Variants in EFHC2 observed in about 807,000 individuals in gnomAD.
EFHC2 encodes the protein EF-hand domain containing 2, also known as EF-hand domain-containing family member C2.
In EFHC2, 18 loss-of-function variants were observed where a neutral mutation model predicts 52.7. The ratio of observed to expected loss-of-function variants is 0.34; its 90% CI spans 0.24 to 0.51. The LOEUF is 0.51. Among genes scored for constraint, EFHC2 ranks in the 20% least tolerant of loss-of-function variants. The pLI, the probability that EFHC2 is intolerant of heterozygous loss-of-function variation, is 0.97. For synonymous variants in EFHC2, 203 were observed against 204.1 expected (o/e 0.99, Z 0.04); for missense variants, 513 against 562.5 (o/e 0.91, Z 0.89).
intron 11 of EFHC2, among the ~76,000 whole-genome samples, chrX:44,196,770 G>A (rs2147292819): frequency 8.9e-6 from 1 of 112,247 alleles, no homozygotes; most frequent in East Asian, 2.8e-4. Flanking sequence ...TAATGTCATG[G>A]ATATTTGCTG....
At chrX:44,203,437 C>T (rs1252291225) in intron 11 of EFHC2, among the ~76,000 whole-genome samples, 1 of 111,486 alleles carries the variant, frequency 9.0e-6, no homozygotes, top group Non-Finnish European at 1.9e-5. Flanking sequence ...AAGGTGGATT[C>T]ACGGCCCACA....
chrX:44,268,077 T>C (rs999691528), intron 3 of EFHC2, among the ~76,000 whole-genome samples: 16 of 112,122 alleles, frequency 1.4e-4, no homozygotes, highest in African/African-American at 4.9e-4. Context: ...GCGTGATTAC[T>C]GTGTATTCTA....
intron 2 of EFHC2, among the ~76,000 whole-genome samples, chrX:44,292,373 A>G (rs1165611722): frequency 9.0e-6 from 1 of 111,370 alleles, no homozygotes; most frequent in African/African-American, 3.3e-5. Context: ...TAAATAAGAA[A>G]TTCATTTATG....
intron 11 of EFHC2, among the ~76,000 whole-genome samples, chrX:44,219,363 T>C (rs1392438111): frequency 9.0e-6 from 1 of 111,206 alleles, no homozygotes; most frequent in African/African-American, 3.3e-5. Context: ...TTATTGAACA[T>C]AAATTTCACA....
At chrX:44,301,045 G>A (rs1267025840) in intron 2 of EFHC2, among the ~76,000 whole-genome samples, 1 of 106,545 alleles carries the variant, frequency 9.4e-6, no homozygotes, top group Non-Finnish European at 1.9e-5. Context: ...AGGAGATGGA[G>A]GTTGCAGTGA....
intron 1 of EFHC2, among the ~76,000 whole-genome samples, chrX:44,328,938 G>A (rs748124630): frequency 3.3e-4 from 37 of 111,528 alleles, no homozygotes; most frequent in Non-Finnish European, 5.8e-4. Flanking sequence ...TGCTCCGCCC[G>A]CTCCCGGACT....
chrX:44,192,238 T>G (rs747878399), intron 11 of EFHC2, among the ~76,000 whole-genome samples: 1 of 111,842 alleles, frequency 8.9e-6, no homozygotes, highest in Non-Finnish European at 1.9e-5. Context: ...CTAAAGAAAC[T>G]AGATATTTTT....
chrX:44,240,107 T>G (rs942929230), intron 8 of EFHC2, among the ~76,000 whole-genome samples: 1 of 112,302 alleles, frequency 8.9e-6, no homozygotes, highest in Admixed American at 9.4e-5. Flanking sequence ...TTATTTGTAT[T>G]TTAAAAAACT....
chrX:44,210,538 C>T (rs1438514402), intron 11 of EFHC2, among the ~76,000 whole-genome samples: 1 of 112,240 alleles, frequency 8.9e-6, no homozygotes, highest in Non-Finnish European at 1.9e-5. Flanking sequence ...CCTACATGGA[C>T]AACTGATTTT....
At chrX:44,298,593 T>A (rs2037844639) in intron 2 of EFHC2, among the ~76,000 whole-genome samples, 1 of 111,218 alleles carries the variant, frequency 9.0e-6, no homozygotes, top group Non-Finnish European at 1.9e-5. Context: ...CCAGGTGTGG[T>A]GGCTCATGCC....
chrX:44,327,339 A>G (rs1262090527), intron 1 of EFHC2, among the ~76,000 whole-genome samples: 2 of 112,169 alleles, frequency 1.8e-5, no homozygotes, highest in Non-Finnish European at 3.8e-5. Flanking sequence ...AGAGTGCTGT[A>G]GAAATCCCTC....
chrX:44,246,922 T>C (rs2037405148), intron 7 of EFHC2, among the ~76,000 whole-genome samples: 1 of 111,789 alleles, frequency 8.9e-6, no homozygotes, highest in Non-Finnish European at 1.9e-5. Flanking sequence ...ACATTTAAAT[T>C]TTCATTCTAC....
intron 11 of EFHC2, among the ~76,000 whole-genome samples, chrX:44,208,501 G>C (rs891489209): frequency 1.8e-5 from 2 of 111,474 alleles, no homozygotes; most frequent in Non-Finnish European, 3.8e-5. Context: ...GGGGAGAAAG[G>C]GAGGAAGGCG....
At chrX:44,171,326 T>C (rs916183958) in intron 13 of EFHC2, among the ~76,000 whole-genome samples, 2 of 111,741 alleles carry the variant, frequency 1.8e-5, no homozygotes, top group Non-Finnish European at 3.8e-5. Context: ...ACTGCTCTAT[T>C]TCCACCCTTG....
At chrX:44,190,440 A>G (rs1205306912) in intron 11 of EFHC2, among the ~76,000 whole-genome samples, 3 of 112,049 alleles carry the variant, frequency 2.7e-5, no homozygotes, top group Non-Finnish European at 5.6e-5. Flanking sequence ...TGAGAAAGTA[A>G]AAGAGAGGTG....
chrX:44,149,158 G>T (rs768630482), intron 14 of EFHC2, among the ~76,000 whole-genome samples: 2 of 112,136 alleles, frequency 1.8e-5, no homozygotes, highest in South Asian at 7.4e-4. Flanking sequence ...TTTGATATGG[G>T]GTTGGCCACA....
rs61609745 is a variant in EFHC2, at chrX:44,225,371, T to C, written c.1751+4278A>G. On this transcript the variant is annotated intron_variant, in intron 11 of 14. Transcript: ENST00000420999. ...GAGAGGCCCACACATTAATCCATTATTGACCATGGCACCTTATACAGAGGT... is the reference window on the plus strand; with the variant it reads ...GAGAGGCCCACACATTAATCCATTACTGACCATGGCACCTTATACAGAGGT... 8.0e-3 allele frequency among the ~76,000 whole-genome samples: 891 copies of C among 111,642 alleles called. 10 individuals carry two copies. The highest frequency in any genetic ancestry group is 0.026 in the African/African-American group (788 of 30,725).
At chrX:44,317,725 G>A (rs1176219063) in intron 1 of EFHC2, among the ~76,000 whole-genome samples, 3 of 113,449 alleles carry the variant, frequency 2.6e-5, no homozygotes, top group African/African-American at 9.6e-5. Context: ...GGCTGAGGCT[G>A]TAGTGAGCTA....
chrX:44,303,476 AAGCC>A (rs2037882492), intron 2 of EFHC2, among the ~76,000 whole-genome samples: 1 of 110,839 alleles, frequency 9.0e-6, no homozygotes. Flanking sequence ...ATCCAGAGCA[AAGCC>A]CTGCTTCCTT....
Sources: allele counts gnomAD v4.1 joint callset (sites outside exome capture counted in the v4.1 genomes callset), GRCh38; gene constraint gnomAD v4.1.1; transcripts MANE v1.5; gene names NCBI Gene and HGNC (gene_info 2026-07-23, HGNC 2026-07-21).